Variants in PTPRQ observed in about 807,000 individuals in gnomAD.
PTPRQ encodes the protein protein tyrosine phosphatase receptor type Q, also known as phosphatidylinositol phosphatase PTPRQ.
Under a neutral mutation model 246.0 loss-of-function variants are expected in PTPRQ, and 199 were observed. The ratio of observed to expected loss-of-function variants is 0.81; its 90% CI spans 0.72 to 0.91. PTPRQ has a LOEUF of 0.91. Ranked by LOEUF, PTPRQ falls within the 40% of genes least tolerant of loss-of-function variation. The pLI is 0.00. For synonymous variants in PTPRQ, 869 were observed against 853.2 expected (o/e 1.02, Z -0.32); for missense variants, 2,624 against 2,528.4 (o/e 1.04, Z -0.81).
chr12:80,642,297 C>T (rs1178314705), intron 35 of PTPRQ, among the ~76,000 whole-genome samples: 1 of 152,144 alleles, frequency 6.6e-6, no homozygotes, highest in East Asian at 1.9e-4. Flanking sequence ...TCTGGTATCT[C>T]CTATTCATTG....
intron 28 of PTPRQ, among the ~76,000 whole-genome samples, chr12:80,612,383 T>C (rs1432740171): frequency 6.6e-6 from 1 of 150,416 alleles, no homozygotes; most frequent in Non-Finnish European, 1.5e-5. Context: ...GGAGACATTG[T>C]TGGTAAAACA....
chr12:80,635,697 CTTTTAAAAGCATTATCAATTA>C (rs1899621169), intron 35 of PTPRQ, among the ~76,000 whole-genome samples: 2 of 151,860 alleles, frequency 1.3e-5, no homozygotes. Context: ...ATTATAAATC[CTTTTAAAAGCATTATCAATTA>C]TTCAAAATGT....
At chr12:80,603,482 A>G (rs577524606) in intron 26 of PTPRQ, among the ~76,000 whole-genome samples, 1 of 151,844 alleles carries the variant, frequency 6.6e-6, no homozygotes, top group South Asian at 2.1e-4. Context: ...TTATTCCTCC[A>G]TAAATACTGG....
chr12:80,665,922 T>C (rs1451424284), intron 39 of PTPRQ, among the ~76,000 whole-genome samples: 1 of 151,994 alleles, frequency 6.6e-6, no homozygotes, highest in African/African-American at 2.4e-5. Flanking sequence ...AGAATGGTTA[T>C]TATCAAAAAG....
intron 33 of PTPRQ, among the ~76,000 whole-genome samples, chr12:80,631,752 A>G (rs1899443332): frequency 6.6e-6 from 1 of 152,224 alleles, no homozygotes; most frequent in African/African-American, 2.4e-5. Context: ...CTTAGCAACT[A>G]CAGTAATGGA....
intron 9 of PTPRQ, among the ~76,000 whole-genome samples, chr12:80,485,555 G>A (rs1451805140): frequency 6.6e-6 from 1 of 152,122 alleles, no homozygotes; most frequent in Non-Finnish European, 1.5e-5. Context: ...TGTGACAGTT[G>A]ACCTCACCAT....
At chr12:80,548,824 A>G (rs1287905208) in intron 24 of PTPRQ, among the ~76,000 whole-genome samples, 1 of 152,076 alleles carries the variant, frequency 6.6e-6, no homozygotes, top group East Asian at 1.9e-4. Flanking sequence ...TTGTTCTTTG[A>G]CCAGGCCTAC....
chr12:80,450,590 A>G (rs7978521), intron 3 of PTPRQ, among the ~76,000 whole-genome samples: 58,311 of 150,970 alleles, frequency 0.39, 12,922 homozygotes, highest in African/African-American at 0.61. Flanking sequence ...AGCATGAAGC[A>G]TTGTTGAATT....
chr12:80,669,549 A>C, intron 41 of PTPRQ, 85 bp downstream of exon 41: 1 of 1,456,072 alleles, frequency 6.9e-7, no homozygotes, highest in African/African-American at 1.4e-5. Context: ...TTCTAGAACT[A>C]TCCCTTTCAA....
At position 80,616,200 on chromosome 12, in the gene PTPRQ, G is replaced by A. The variant is rs901548458; in HGVS notation, c.5164G>A (p.Val1722Ile). 1 of 1,473,880 alleles carries A rather than the reference G, an allele frequency of 6.8e-7. No individual in the cohort carries two copies. Among genetic ancestry groups the A allele is most frequent in the Non-Finnish European group, 9.0e-7 (1 of 1,108,806 alleles). 91.3% of individuals were successfully genotyped at this position (1,473,880 alleles called of 1,614,324 possible). A position where few individuals can be genotyped will look rare whatever the true frequency, so the allele number is the denominator to read the frequency against. ...LKGGHTYNIS[V>I]YAVNSAGAGP... ...AGTAACAAATATTTGTTTGTTTTAG[G>A]TTTACGCAGTCAATAGTGCTGGTGC... Residue 1722 changes from valine to isoleucine, a missense_variant and splice_region_variant, in exon 30 of 45, where the codon GTT becomes ATT. By Grantham distance (29) the Val-to-Ile change is conservative. Coordinates refer to ENST00000644991, the MANE Select transcript of PTPRQ (RefSeq NM_001145026.2).
At chr12:80,487,334 A>G (rs1894309607) in intron 9 of PTPRQ, among the ~76,000 whole-genome samples, 1 of 152,104 alleles carries the variant, frequency 6.6e-6, no homozygotes, top group Admixed American at 6.6e-5. Context: ...TGACCTGTGC[A>G]GGTTCCCACA....
Position 80,542,892 on chromosome 12 carries a change from T to G in PTPRQ, c.3873+11T>G. ...ACTATATATTATAAGGTAGGTTGAT[T>G]ATAACAGTATATGTTTATTTTTAAA... On this transcript the variant is annotated intron_variant, in intron 23 of 44. Coordinates refer to ENST00000644991, the MANE Select transcript of PTPRQ (RefSeq NM_001145026.2). The G allele has an allele frequency of 7.1e-7, 1 of 1,405,874 alleles. No individual in the cohort carries two copies. Among genetic ancestry groups the G allele is most frequent in the South Asian group, 1.6e-5 (1 of 64,514 alleles). 87.1% of individuals were successfully genotyped at this position (1,405,874 alleles called of 1,614,324 possible). A position where few individuals can be genotyped will look rare whatever the true frequency, so the allele number is the denominator to read the frequency against.
intron 19 of PTPRQ, among the ~76,000 whole-genome samples, chr12:80,538,645 A>G (rs1003878056): frequency 9.9e-5 from 15 of 152,216 alleles, no homozygotes; most frequent in Non-Finnish European, 1.5e-5. Flanking sequence ...TTCCCTGAAT[A>G]CTGGCAAAAG....
At chr12:80,641,864 A>ACTCTCT (rs759676451) in intron 35 of PTPRQ, among the ~76,000 whole-genome samples, 5 of 109,076 alleles carry the variant, frequency 4.6e-5, no homozygotes, top group Admixed American at 2.6e-4. Flanking sequence ...TCTCTCTCTC[A>ACTCTCT]CTCTCTCTCT....
intron 17 of PTPRQ, among the ~76,000 whole-genome samples, chr12:80,513,562 A>G (rs751617621): frequency 5.9e-5 from 9 of 152,058 alleles, no homozygotes; most frequent in African/African-American, 1.7e-4. Flanking sequence ...GAAATGCAAC[A>G]TTTAGGCGGG....
At chr12:80,678,549 T>A in intron 43 of PTPRQ, 53 bp from the exon 44 acceptor site, 1 of 1,491,200 alleles carries the variant, frequency 6.7e-7, no homozygotes, top group South Asian at 1.4e-5. Flanking sequence ...TAACTCCCTT[T>A]ATGAAACTCT....
At chr12:80,640,597 C>T (rs922391767) in intron 35 of PTPRQ, among the ~76,000 whole-genome samples, 12 of 152,052 alleles carry the variant, frequency 7.9e-5, no homozygotes, top group Admixed American at 4.6e-4. Context: ...TTTCTTTAGA[C>T]GCAAGGAGAT....
chr12:80,474,876 T>C (rs1469918332), intron 8 of PTPRQ, among the ~76,000 whole-genome samples: 3 of 152,184 alleles, frequency 2.0e-5, no homozygotes, highest in African/African-American at 4.8e-5. Flanking sequence ...TTAAACAGAC[T>C]ATGGCAGTGA....
intron 35 of PTPRQ, among the ~76,000 whole-genome samples, chr12:80,642,919 TAAAAAAA>T (rs902888826): frequency 1.3e-5 from 1 of 77,198 alleles, no homozygotes; most frequent in Non-Finnish European, 3.0e-5. Flanking sequence ...GACTCCGTCT[TAAAAAAA>T]AAAAAAAAAA....
Sources: allele counts gnomAD v4.1 joint callset (sites outside exome capture counted in the v4.1 genomes callset), GRCh38; gene constraint gnomAD v4.1.1; transcripts MANE v1.5; gene names NCBI Gene and HGNC (gene_info 2026-07-23, HGNC 2026-07-21).